Variants in GID8 observed in about 807,000 individuals in gnomAD.
GID8 encodes glucose-induced degradation protein 8 homolog.
A neutral mutation model predicts 27.4 loss-of-function variants in GID8; 6 were observed. The observed-to-expected ratio is 0.22, with a 90% CI of 0.12 to 0.43. The LOEUF (loss-of-function observed/expected upper bound fraction) is 0.43. GID8 is among the 20% of genes least tolerant of loss of function. GID8 has a pLI of 1.00. For missense variants in GID8, 173 were observed against 287.6 expected, an observed-to-expected ratio of 0.60 and a Z score of 2.88; for synonymous variants, 112 against 109.0, an observed-to-expected ratio of 1.03 and a Z score of -0.17.
rs142349939 is a variant in GID8 at position 62,946,120 on chromosome 20, CAGTGCTA to C, written c.*1213_*1219del. On this transcript the variant is annotated 3_prime_UTR_variant, in exon 5 of 5. Transcript: ENST00000266069. ...ACCGGGCACTGTTGACCCCACTGAG[CAGTGCTA>C]AGTGTTGGTTTAGTGGATGTTCGTG... 1,080 of 914,526 alleles carry C rather than the reference CAGTGCTA, an allele frequency of 1.2e-3. 9 individuals are homozygous for C. The African/African-American group carries it at 0.017, about 14-fold the overall frequency. 56.7% of individuals were successfully genotyped at this position (914,526 alleles called of 1,614,324 possible). A position where few individuals can be genotyped will look rare whatever the true frequency, so the allele number is the denominator to read the frequency against.
chr20:62,941,394 A>G (rs927431399), intron 1 of GID8, 97 bp from the exon 2 acceptor site: 4 of 702,264 alleles, frequency 5.7e-6, no homozygotes, highest in Admixed American at 2.1e-5. Flanking sequence ...GTACATGCTC[A>G]GTGTGGGATT....
rs200666397 is a variant in GID8 at position 62,943,602 on chromosome 20, A to G, written c.423A>G (p.Thr141=). Residue 141 remains threonine (T), a synonymous_variant, in exon 4 of 5, where the codon ACA becomes ACG. Transcript: ENST00000266069. This position sits in a 1 kb window ranked among gnomAD's most constrained non-coding sequence, Gnocchi z 4.7. ...GCGAGGAGAGCCGAGAGTGCCTCAC[A>G]GAGATGGAGCGTACCCTGGCACTGC... ...EQGEESRECL[T]EMERTLALLA... is the part of the protein sequence containing the mutation. 5 of 1,613,666 alleles carry G rather than the reference A, an allele frequency of 3.1e-6. No homozygotes were observed. The African/African-American group carries it at 5.3e-5, about 17-fold the overall frequency.
In GID8 at chr20:62,943,488, C is replaced by T. The variant is rs1207007330; in HGVS notation, c.316-7C>T. ...TGGGGGTCAAGCTTGTCTGTCTCTG[C>T]CTCCAGCAACAGCATTTGATCGAGC... is the stretch of plus-strand genomic sequence containing the variant. On this transcript the variant is annotated splice_polypyrimidine_tract_variant and splice_region_variant and intron_variant, in intron 3 of 4. Coordinates refer to ENST00000266069, the MANE Select transcript of GID8 (RefSeq NM_017896.3). The surrounding 1 kb of genome is among the most constrained non-coding windows in gnomAD (Gnocchi z 4.7). The T allele has an allele frequency of 6.2e-7, 1 of 1,611,276 alleles. No homozygotes were observed. Among genetic ancestry groups the T allele is most frequent in the Admixed American group, 1.7e-5 (1 of 60,012 alleles).
intron 1 of GID8, among the ~76,000 whole-genome samples, chr20:62,941,100 T>G (rs1568902306): frequency 6.6e-6 from 1 of 152,238 alleles, no homozygotes; most frequent in Non-Finnish European, 1.5e-5. Context: ...AACGCTCAGG[T>G]GGGTGGCTTC....
chr20:62,944,768 A>G lies in GID8; in HGVS notation c.543A>G (p.Leu181=). Residue 181 remains leucine, a synonymous_variant, in exon 5 of 5, where the codon CTA becomes CTG. Transcript: ENST00000266069. ...KVWSEVNQAV[L]DYENRESTPK... The stretch of plus-strand genomic sequence containing the variant: ...GGAGTGAAGTTAACCAAGCTGTGCT[A>G]GATTATGAAAATCGCGAGTCAACAC... 6.2e-7 allele frequency: 1 copy of G among 1,613,884 alleles called. No homozygotes were observed. The highest frequency in any genetic ancestry group is 8.5e-7 in the Non-Finnish European group (1 of 1,179,700).
At chr20:62,941,440 C>T (rs1271041252) in intron 1 of GID8, 51 bp from the exon 2 acceptor site, 3 of 984,184 alleles carry the variant, frequency 3.0e-6, no homozygotes, top group Non-Finnish European at 4.9e-6. Context: ...TGCCCTCTGC[C>T]CTTGGAGGAG....
At position 62,946,193 on chromosome 20, in the gene GID8, G is replaced by A. The variant is rs1441173034; in HGVS notation, c.*1281G>A. On this transcript the variant is annotated 3_prime_UTR_variant, in exon 5 of 5. Transcript: ENST00000266069. ...CCAAGGGCGTCCTTTGGAGCCAGTG[G>A]AGCCTGCCGGCGCATCTGAGGGGCA... is the stretch of plus-strand genomic sequence containing the variant. 5.3e-6 allele frequency: 2 copies of A among 377,434 alleles called. No homozygotes were observed. Among genetic ancestry groups the A allele is most frequent in the Admixed American group, 4.0e-5 (1 of 25,234 alleles). The allele number at this position is 377,434 out of a possible 1,614,324, so 23.4% of individuals were successfully genotyped here.
rs1247186474 is a variant in GID8 at position 62,948,275 on chromosome 20, C to T, written c.*3363C>T. 3 of 152,172 alleles carry T rather than the reference C, an allele frequency of 2.0e-5. No individual in the cohort carries two copies. The highest frequency in any genetic ancestry group is 4.4e-5 in the Non-Finnish European group (3 of 68,012). The allele number at this position is 152,172 out of a possible 1,614,324, so 9.4% of individuals were successfully genotyped here. ...TGTATTGCTTTTCTCATATTTTTTG[C>T]AAATTGTATTGTCAACATGGGTCAT... On this transcript the variant is annotated 3_prime_UTR_variant, in exon 5 of 5. Coordinates refer to ENST00000266069, the MANE Select transcript of GID8 (RefSeq NM_017896.3).
chr20:62,939,672 A>T (rs1208897915), intron 1 of GID8, among the ~76,000 whole-genome samples: 1 of 152,052 alleles, frequency 6.6e-6, no homozygotes, highest in African/African-American at 2.4e-5. Flanking sequence ...GTCTAGCAGC[A>T]GCCATTGACT....
chr20:62,943,271 GC>G lies in GID8; in HGVS notation c.315+89del, dbSNP rs1263445138. Reference sequence around the variant, plus strand: ...GATTGAGAAATAACTAGGCTAATTTGCTTTAATAATGTTATTTCAATGCATG... The same window carrying G: ...GATTGAGAAATAACTAGGCTAATTTGTTTAATAATGTTATTTCAATGCATG... On this transcript the variant is annotated intron_variant, in intron 3 of 4. Transcript: ENST00000266069. This position sits in a 1 kb window ranked among gnomAD's most constrained non-coding sequence, Gnocchi z 4.7. 8.9e-7 allele frequency: 1 copy of G among 1,129,694 alleles called. No individual in the cohort carries two copies. The highest frequency in any genetic ancestry group is 1.6e-5 in the African/African-American group (1 of 64,472). 70.0% of individuals were successfully genotyped at this position (1,129,694 alleles called of 1,614,324 possible).
Position 62,945,508 on chromosome 20 carries a change from T to C in GID8, c.*596T>C. ...GGGGGATGCGTGTGAGGGGGCTATG[T>C]GTTTTTTAATTTTTTAAATATATAT... On this transcript the variant is annotated 3_prime_UTR_variant, in exon 5 of 5. Coordinates refer to ENST00000266069, the MANE Select transcript of GID8 (RefSeq NM_017896.3). 2 of 1,044,878 alleles carry C rather than the reference T, an allele frequency of 1.9e-6. No homozygotes were observed. The highest frequency in any genetic ancestry group is 2.3e-6 in the Non-Finnish European group (2 of 864,414). The allele number at this position is 1,044,878 out of a possible 1,614,324, so 64.7% of individuals were successfully genotyped here.
At chr20:62,941,900 T>G (rs1305513403) in intron 2 of GID8, among the ~76,000 whole-genome samples, 1 of 152,204 alleles carries the variant, frequency 6.6e-6, no homozygotes. Flanking sequence ...GTAAGTATAT[T>G]GAAAGCCTAA....
At position 62,943,307 on chromosome 20, in the gene GID8, G is replaced by T; in HGVS notation, c.315+124G>T. The T allele has an allele frequency of 1.0e-6, 1 of 958,564 alleles. No individual in the cohort carries two copies. Among genetic ancestry groups the T allele is most frequent in the South Asian group, 1.6e-5 (1 of 61,802 alleles). 59.4% of individuals were successfully genotyped at this position (958,564 alleles called of 1,614,324 possible). ...GTTATTTCAATGCATGTGAGGGGGA[G>T]AGGTTTGAGTTTGCTCTTTTATGTA... is the stretch of plus-strand genomic sequence containing the variant. On this transcript the variant is annotated intron_variant, in intron 3 of 4. Coordinates refer to ENST00000266069, the MANE Select transcript of GID8 (RefSeq NM_017896.3). This position sits in a 1 kb window ranked among gnomAD's most constrained non-coding sequence, Gnocchi z 4.7.
intron 1 of GID8, 129 bp from the exon 2 acceptor site, chr20:62,941,362 C>T: frequency 1.6e-6 from 1 of 618,092 alleles, no homozygotes; most frequent in Non-Finnish European, 2.9e-6. Flanking sequence ...TGGTGGGTGT[C>T]CCACGGCAGC....
rs2065444131 is a variant in GID8, at chr20:62,941,639, G to A, written c.118+19G>A. 7.7e-7 allele frequency: 1 copy of A among 1,294,986 alleles called. No homozygotes were observed. Among genetic ancestry groups the A allele is most frequent in the Non-Finnish European group, 1.1e-6 (1 of 888,314 alleles). 80.2% of individuals were successfully genotyped at this position (1,294,986 alleles called of 1,614,324 possible). Reference sequence around the variant, plus strand: ...GTCACAGGTAATGGCTTACAGTGAGGATGCTGTTGCATGAATGTGATTCTC... The same window carrying A: ...GTCACAGGTAATGGCTTACAGTGAGAATGCTGTTGCATGAATGTGATTCTC... On this transcript the variant is annotated intron_variant, in intron 2 of 4. Transcript: ENST00000266069.
intron 1 of GID8, among the ~76,000 whole-genome samples, chr20:62,940,582 CT>C (rs2065438887): frequency 6.6e-6 from 1 of 152,132 alleles, no homozygotes; most frequent in African/African-American, 2.4e-5. Flanking sequence ...ATCTCCTGAC[CT>C]TGTGATCCGC....
chr20:62,946,045 T>C lies in GID8; in HGVS notation c.*1133T>C, dbSNP rs770167439. The C allele has an allele frequency of 1.3e-4, 169 of 1,286,086 alleles. No individual in the cohort carries two copies. Among genetic ancestry groups the C allele is most frequent in the Non-Finnish European group, 1.6e-4 (161 of 986,004 alleles). The allele number at this position is 1,286,086 out of a possible 1,614,324, so 79.7% of individuals were successfully genotyped here. ...CGAGTCGGGACAGTTGATGGGCACA[T>C]GGCCTTGTAGCTCTGGGCACAGATG... On this transcript the variant is annotated 3_prime_UTR_variant, in exon 5 of 5. Coordinates refer to ENST00000266069, the MANE Select transcript of GID8 (RefSeq NM_017896.3).
rs946203687 is a variant in GID8 at position 62,947,806 on chromosome 20, T to C, written c.*2894T>C. Reference sequence around the variant, plus strand: ...CCTTCCATTCCGTCAGGACGTGATCTGAAAACATGTAGAGAAGATGAGTTG... The same window carrying C: ...CCTTCCATTCCGTCAGGACGTGATCCGAAAACATGTAGAGAAGATGAGTTG... On this transcript the variant is annotated 3_prime_UTR_variant, in exon 5 of 5. Coordinates refer to ENST00000266069, the MANE Select transcript of GID8 (RefSeq NM_017896.3). The C allele has an allele frequency of 2.0e-5, 3 of 152,256 alleles. No homozygotes were observed. Among genetic ancestry groups the C allele is most frequent in the African/African-American group, 7.2e-5 (3 of 41,454 alleles). 9.4% of individuals were successfully genotyped at this position (152,256 alleles called of 1,614,324 possible). A position where few individuals can be genotyped will look rare whatever the true frequency, so the allele number is the denominator to read the frequency against.
In GID8 at chr20:62,947,583, C is replaced by G. The variant is rs1239397948; in HGVS notation, c.*2671C>G. 6.6e-6 allele frequency: 1 copy of G among 152,538 alleles called. No individual in the cohort carries two copies. Among genetic ancestry groups the G allele is most frequent in the African/African-American group, 2.4e-5 (1 of 41,408 alleles). 9.4% of individuals were successfully genotyped at this position (152,538 alleles called of 1,614,324 possible). A position where few individuals can be genotyped will look rare whatever the true frequency, so the allele number is the denominator to read the frequency against. ...GCATGAAATTGGGTGAGGAATAACCCCTAGTCTGGAATCTTTGTGAAGCAT... is the reference window on the plus strand; with the variant it reads ...GCATGAAATTGGGTGAGGAATAACCGCTAGTCTGGAATCTTTGTGAAGCAT... On this transcript the variant is annotated 3_prime_UTR_variant, in exon 5 of 5. Coordinates refer to ENST00000266069, the MANE Select transcript of GID8 (RefSeq NM_017896.3).
Sources: gnomAD v4.1 joint callset for allele counts (sites outside exome capture counted in the v4.1 genomes callset) on GRCh38, gnomAD v4.1.1 for gene constraint, Gnocchi (gnomAD v3.1) non-coding constraint, MANE v1.5 for transcripts, NCBI Gene and HGNC (gene_info 2026-07-23, HGNC 2026-07-21) for gene names.